The following SLX9 variants were observed in gnomAD, a reference collection of about 807,000 sequenced individuals.
The protein encoded by SLX9 is SLX9 ribosome biogenesis factor.
In SLX9, 19 loss-of-function variants were observed where a neutral mutation model predicts 20.8. The observed-to-expected ratio is 0.91, with a 90% CI of 0.64 to 1.34. The LOEUF (loss-of-function observed/expected upper bound fraction) is 1.34, where lower values mean the gene tolerates loss of function less well. Ranked by LOEUF, SLX9 falls within the 40% of genes most tolerant of loss-of-function variation. SLX9 has a pLI of 0.00. For synonymous variants in SLX9, 113 were observed against 137.1 expected (o/e 0.82, Z 1.23); for missense variants, 299 against 322.2 (o/e 0.93, Z 0.55).
intron 5 of SLX9, 67 bp downstream of exon 5, chr21:44,973,332 C>A: frequency 1.3e-6 from 2 of 1,522,954 alleles, no homozygotes; most frequent in South Asian, 2.3e-5. Context: ...CCACCCTCTC[C>A]AGGGGTTCAG....
At chr21:44,948,311 G>A (rs2084685943) in intron 2 of SLX9, among the ~76,000 whole-genome samples, 1 of 131,516 alleles carries the variant, frequency 7.6e-6, no homozygotes, top group Non-Finnish European at 1.6e-5. Context: ...GCGGTCCGGG[G>A]AGCTGGTCGT....
intron 2 of SLX9, among the ~76,000 whole-genome samples, chr21:44,944,487 G>A (rs1429523892): frequency 1.4e-4 from 22 of 152,230 alleles, no homozygotes; most frequent in Admixed American, 1.4e-3. Flanking sequence ...CGGCCACCAT[G>A]GTCAATGCTG....
In SLX9 at chr21:44,976,568, G is replaced by A. The variant is rs113057088; in HGVS notation, c.570-112G>A. The A allele has an allele frequency of 3.8e-3, 5,526 of 1,470,396 alleles. 199 individuals are homozygous for A. In the African/African-American group the frequency reaches 0.07, roughly 19 times the overall value. 91.1% of individuals were successfully genotyped at this position (1,470,396 alleles called of 1,614,324 possible). A position where few individuals can be genotyped will look rare whatever the true frequency, so the allele number is the denominator to read the frequency against. ...TTCCGAGGCCCCAGTACTCAGTCCC[G>A]TGGTGGCCCCAGGCCTCTGCCATTC... On this transcript the variant is annotated intron_variant, in intron 5 of 5. Transcript: ENST00000291634.
intron 2 of SLX9, among the ~76,000 whole-genome samples, chr21:44,953,784 A>G (rs2084804914): frequency 6.6e-6 from 1 of 151,688 alleles, no homozygotes; most frequent in Non-Finnish European, 1.5e-5. Flanking sequence ...GGGTCGTGCC[A>G]CCCCCCGGGG....
intron 3 of SLX9, among the ~76,000 whole-genome samples, chr21:44,966,469 A>T (rs943561860): frequency 6.6e-6 from 1 of 152,158 alleles, no homozygotes; most frequent in African/African-American, 2.4e-5. Flanking sequence ...ATACATTTTT[A>T]AATTAAATCA....
intron 5 of SLX9, among the ~76,000 whole-genome samples, chr21:44,975,478 G>C (rs925375389): frequency 9.2e-5 from 14 of 152,336 alleles, no homozygotes; most frequent in Admixed American, 3.3e-4. Context: ...GCAGGCACAG[G>C]CTCCCCCTGC....
rs9982416 is a variant in SLX9 at position 44,976,631 on chromosome 21, A to G, written c.570-49A>G. The G allele has an allele frequency of 2.4e-3, 3,713 of 1,552,714 alleles. 65 individuals carry two copies. In the African/African-American group the frequency reaches 0.04, roughly 17 times the overall value. ...GACGTTTCCGGGTGTTGAGGGGCTG[A>G]GGGGTCCGGGGGTTCCTGCCTGCTG... On this transcript the variant is annotated intron_variant, in intron 5 of 5. Transcript: ENST00000291634.
At chr21:44,974,281 G>A (rs1054055355) in intron 5 of SLX9, among the ~76,000 whole-genome samples, 1 of 152,192 alleles carries the variant, frequency 6.6e-6, no homozygotes, top group African/African-American at 2.4e-5. Context: ...TGCCTTTCCA[G>A]TTGAGAGTCT....
At chr21:44,968,151 G>A (rs971578616) in intron 4 of SLX9, among the ~76,000 whole-genome samples, 5 of 151,584 alleles carry the variant, frequency 3.3e-5, no homozygotes, top group Admixed American at 6.6e-5. Flanking sequence ...TCCTCCTGAC[G>A]CACTGAGGTG....
At chr21:44,945,937 G>A (rs1021679678) in intron 2 of SLX9, among the ~76,000 whole-genome samples, 11 of 151,876 alleles carry the variant, frequency 7.2e-5, no homozygotes, top group Admixed American at 4.6e-4. Flanking sequence ...GTTTCACCCC[G>A]TTGGCCGGGA....
chr21:44,964,208 G>GT (rs943759475), intron 3 of SLX9, among the ~76,000 whole-genome samples: 2 of 152,112 alleles, frequency 1.3e-5, no homozygotes, highest in African/African-American at 2.4e-5. Context: ...AATACAATTG[G>GT]TTTTTTAAAA....
intron 2 of SLX9, among the ~76,000 whole-genome samples, chr21:44,954,016 C>T (rs1225101272): frequency 6.6e-6 from 1 of 152,156 alleles, no homozygotes; most frequent in African/African-American, 2.4e-5. Context: ...CCTTGTTACC[C>T]TGGCTGGGAG....
At chr21:44,955,703 T>C (rs940943762) in intron 2 of SLX9, among the ~76,000 whole-genome samples, 4 of 152,272 alleles carry the variant, frequency 2.6e-5, no homozygotes, top group Non-Finnish European at 1.5e-5. Context: ...TCTTTACAAG[T>C]GTGTGTCTGC....
intron 3 of SLX9, among the ~76,000 whole-genome samples, chr21:44,963,264 T>G (rs898183185): frequency 6.6e-6 from 1 of 152,122 alleles, no homozygotes; most frequent in Admixed American, 6.5e-5. Context: ...AATTTTTTTG[T>G]ATTTTTAGTA....
intron 3 of SLX9, among the ~76,000 whole-genome samples, chr21:44,960,380 G>T (rs1356993522): frequency 1.3e-5 from 2 of 152,252 alleles, no homozygotes; most frequent in Non-Finnish European, 2.9e-5. Context: ...TGGCAGCATG[G>T]CCAAGCTGGT....
At chr21:44,974,126 A>G (rs2085216513) in intron 5 of SLX9, among the ~76,000 whole-genome samples, 1 of 152,238 alleles carries the variant, frequency 6.6e-6, no homozygotes, top group Admixed American at 6.5e-5. Context: ...ACTCAGCTCC[A>G]GTTTCCACTG....
At chr21:44,939,727 C>T (rs2084503407), upstream of SLX9, 1 of 496,642 alleles carries the variant, frequency 2.0e-6, no homozygotes. Context: ...TTTAAAAAGG[C>T]CATCTCGACT....
intron 2 of SLX9, among the ~76,000 whole-genome samples, chr21:44,945,865 G>A (rs2084632495): frequency 6.6e-6 from 1 of 152,194 alleles, no homozygotes; most frequent in Non-Finnish European, 1.5e-5. Flanking sequence ...ACAGGCACAT[G>A]CCACCACGCC....
At chr21:44,962,851 C>T (rs1398445465) in intron 3 of SLX9, among the ~76,000 whole-genome samples, 1 of 152,076 alleles carries the variant, frequency 6.6e-6, no homozygotes, top group Non-Finnish European at 1.5e-5. Flanking sequence ...CAGCCTCGGC[C>T]GTCTGGTAAT....
Sources: gnomAD v4.1 joint callset for allele counts (sites outside exome capture counted in the v4.1 genomes callset) on GRCh38, gnomAD v4.1.1 for gene constraint, MANE v1.5 for transcripts, NCBI Gene and HGNC (gene_info 2026-07-23, HGNC 2026-07-21) for gene names.